SLC35F1: variants seen among roughly 807,000 people sequenced by gnomAD.
The protein encoded by SLC35F1 is chromosome 6 open reading frame 169.
Under a neutral mutation model 48.7 loss-of-function variants are expected in SLC35F1, and 14 were observed. The observed-to-expected ratio is 0.29, with a 90% CI of 0.19 to 0.45. SLC35F1 has a LOEUF of 0.45. Among genes scored for constraint, SLC35F1 ranks in the 20% least tolerant of loss-of-function variants. The pLI is 1.00. For missense variants in SLC35F1, 404 were observed against 500.0 expected, an observed-to-expected ratio of 0.81 and a Z score of 1.83; for synonymous variants, 190 against 202.2, an observed-to-expected ratio of 0.94 and a Z score of 0.51.
intron 1 of SLC35F1, among the ~76,000 whole-genome samples, chr6:117,923,643 G>GTACACATATACATGTGTATATA (rs1562238592): frequency 1.2e-4 from 7 of 58,738 alleles, no homozygotes; most frequent in Non-Finnish European, 2.7e-4. Context: ...ATGTACATAT[G>GTACACATATACATGTGTATATA]TACATATGTA....
intron 1 of SLC35F1, among the ~76,000 whole-genome samples, chr6:118,018,297 G>C (rs915143433): frequency 6.6e-6 from 1 of 152,022 alleles, no homozygotes; most frequent in African/African-American, 2.4e-5. Flanking sequence ...CTTGAACCCG[G>C]GAGGCGGAGG....
intron 2 of SLC35F1, among the ~76,000 whole-genome samples, chr6:118,162,504 A>G (rs1774251435): frequency 6.6e-6 from 1 of 152,220 alleles, no homozygotes; most frequent in Non-Finnish European, 1.5e-5. Context: ...TACACTTAAA[A>G]GGAGAGAATT....
At chr6:117,912,682 T>C (rs1775777836) in intron 1 of SLC35F1, among the ~76,000 whole-genome samples, 1 of 152,162 alleles carries the variant, frequency 6.6e-6, no homozygotes, top group African/African-American at 2.4e-5. Context: ...AGATCAGTAG[T>C]AAAGAAAAGA....
intron 1 of SLC35F1, among the ~76,000 whole-genome samples, chr6:118,118,229 T>C (rs938080919): frequency 1.4e-4 from 21 of 152,226 alleles, no homozygotes; most frequent in African/African-American, 5.1e-4. Flanking sequence ...TTGTTAATAC[T>C]CACTGTCATC....
intron 1 of SLC35F1, among the ~76,000 whole-genome samples, chr6:118,099,742 C>T (rs1321521970): frequency 1.3e-5 from 2 of 152,170 alleles, no homozygotes; most frequent in Non-Finnish European, 2.9e-5. Context: ...CAGATTTCCA[C>T]CTTGTGCATC....
chr6:117,948,880 A>G (rs182007877), intron 1 of SLC35F1, among the ~76,000 whole-genome samples: 1 of 152,058 alleles, frequency 6.6e-6, no homozygotes, highest in East Asian at 1.9e-4. Flanking sequence ...TTTCTCGGGG[A>G]CTAAGACAGC....
chr6:117,966,141 C>G (rs1776564338), intron 1 of SLC35F1, among the ~76,000 whole-genome samples: 1 of 140,392 alleles, frequency 7.1e-6, no homozygotes, highest in Non-Finnish European at 1.6e-5. Context: ...GCCCCCCCCC[C>G]CACTCCCGCC....
At chr6:118,154,688 G>T in intron 2 of SLC35F1, 68 bp downstream of exon 2, 1 of 1,436,084 alleles carries the variant, frequency 7.0e-7, no homozygotes, top group South Asian at 1.5e-5. Flanking sequence ...GCCATGACCA[G>T]ATAACGTTTT....
chr6:117,934,991 C>A (rs1371217858), intron 1 of SLC35F1, among the ~76,000 whole-genome samples: 1 of 152,170 alleles, frequency 6.6e-6, no homozygotes, highest in Non-Finnish European at 1.5e-5. Flanking sequence ...CCTTTAATCC[C>A]AGCTCCTCTG....
At chr6:118,135,981 G>A (rs1381232904) in intron 1 of SLC35F1, among the ~76,000 whole-genome samples, 2 of 152,182 alleles carry the variant, frequency 1.3e-5, no homozygotes, top group Admixed American at 1.3e-4. Flanking sequence ...CACTGGGCCT[G>A]CGAGAAGATG....
intron 1 of SLC35F1, among the ~76,000 whole-genome samples, chr6:117,951,350 G>C (rs985359781): frequency 3.3e-5 from 5 of 152,212 alleles, no homozygotes; most frequent in Non-Finnish European, 7.4e-5. Context: ...ACTTAGTTAT[G>C]TGTCTTGATA....
intron 7 of SLC35F1, among the ~76,000 whole-genome samples, chr6:118,306,680 T>C (rs1409514554): frequency 6.6e-6 from 1 of 152,206 alleles, no homozygotes; most frequent in Non-Finnish European, 1.5e-5. Flanking sequence ...TAATTAAACA[T>C]TCCCACAGAG....
chr6:118,129,799 A>T (rs963330412), intron 1 of SLC35F1, among the ~76,000 whole-genome samples: 1 of 152,180 alleles, frequency 6.6e-6, no homozygotes, highest in Non-Finnish European at 1.5e-5. Context: ...TATTTAAGAG[A>T]TGATTTACAT....
chr6:118,267,403 A>G (rs1157423109), intron 4 of SLC35F1, among the ~76,000 whole-genome samples: 1 of 152,228 alleles, frequency 6.6e-6, no homozygotes, highest in Non-Finnish European at 1.5e-5. Context: ...AGAAACATGC[A>G]GACAGTGTTT....
chr6:118,224,482 C>T (rs1203245813), intron 2 of SLC35F1, among the ~76,000 whole-genome samples: 1 of 152,122 alleles, frequency 6.6e-6, no homozygotes, highest in East Asian at 1.9e-4. Flanking sequence ...GCAATCTCCA[C>T]CTCCCAAGCT....
At chr6:118,189,262 T>C (rs1475591955) in intron 2 of SLC35F1, among the ~76,000 whole-genome samples, 1 of 152,182 alleles carries the variant, frequency 6.6e-6, no homozygotes, top group Admixed American at 6.5e-5. Flanking sequence ...CTCTAGACCA[T>C]CAGTGACACC....
Position 118,168,221 on chromosome 6 carries a change from C to T in SLC35F1, c.349+13601C>T, listed in dbSNP as rs181158492. Among the ~76,000 whole-genome samples, 6 of 152,252 alleles carry T rather than the reference C, an allele frequency of 3.9e-5. No individual in the cohort carries two copies. In the East Asian group the frequency reaches 1.2e-3, roughly 29 times the overall value. ...TTCCTTTATTTAGACTTAGTTGTGG[C>T]CGCTTCTTGGTTGCTGGGCTTCTAT... On this transcript the variant is annotated intron_variant, in intron 2 of 7. Transcript: ENST00000360388.
At chr6:118,287,119 A>G (rs774688735) in intron 7 of SLC35F1, among the ~76,000 whole-genome samples, 1 of 152,298 alleles carries the variant, frequency 6.6e-6, no homozygotes, top group East Asian at 1.9e-4. Flanking sequence ...CTTGGTCCTC[A>G]TAAGGGTAAA....
chr6:117,935,573 CT>C (rs1250595507), intron 1 of SLC35F1, among the ~76,000 whole-genome samples: 2 of 152,270 alleles, frequency 1.3e-5, no homozygotes, highest in Non-Finnish European at 1.5e-5. Context: ...TATGTATTTT[CT>C]CCTTAAAGAA....
Sources: allele counts gnomAD v4.1 joint callset (sites outside exome capture counted in the v4.1 genomes callset), GRCh38; gene constraint gnomAD v4.1.1; transcripts MANE v1.5; gene names NCBI Gene and HGNC (gene_info 2026-07-23, HGNC 2026-07-21).